The following ATP1A3 variants were observed in gnomAD, a reference collection of about 807,000 sequenced individuals.
The protein encoded by ATP1A3 is sodium/potassium-transporting ATPase subunit alpha-3.
ATP1A3 carries 12 observed loss-of-function variants against 108.8 expected under a neutral mutation model. The ratio of observed to expected loss-of-function variants is 0.11; its 90% CI spans 0.07 to 0.18. The LOEUF is 0.18. Ranked by LOEUF, ATP1A3 falls within the 10% of genes least tolerant of loss-of-function variation. The probability of loss-of-function intolerance (pLI) is 1.00; values close to 1 mark genes in which losing one functional copy is unlikely to be tolerated. For synonymous variants in ATP1A3, 539 were observed against 564.5 expected, an observed-to-expected ratio of 0.95 and a Z score of 0.64; for missense variants, 498 against 1,387.7, an observed-to-expected ratio of 0.36 and a Z score of 10.19.
At chr19:41,993,630 C>T (rs1163582773) in intron 1 of ATP1A3, 4 of 741,086 alleles carry the variant, frequency 5.4e-6, no homozygotes, top group Non-Finnish European at 8.6e-6. Flanking sequence ...CCTATCCGCA[C>T]CCTGCCAGGG....
At chr19:41,975,819 A>G (rs781802734) in intron 15 of ATP1A3, 22 bp from the exon 16 acceptor site, 1 of 1,613,696 alleles carries the variant, frequency 6.2e-7, no homozygotes, top group African/African-American at 1.3e-5. Context: ...GAGGGTAAGG[A>G]TGACACCCAG....
At position 41,978,932 on chromosome 19, in the gene ATP1A3, G is replaced by C; in HGVS notation, c.1438-134C>G. The C allele has an allele frequency of 1.4e-6, 1 of 733,450 alleles. No homozygotes were observed. Among genetic ancestry groups the C allele is most frequent in the Non-Finnish European group, 2.3e-6 (1 of 435,332 alleles). 45.4% of individuals were successfully genotyped at this position (733,450 alleles called of 1,614,324 possible). A position where few individuals can be genotyped will look rare whatever the true frequency, so the allele number is the denominator to read the frequency against. ...CAGGGCTCCCCCACACTCTCTCACA[G>C]AGACCTCTGCTCATTCCTGTCCGCT... On this transcript the variant is annotated intron_variant, in intron 11 of 22. Transcript: ENST00000648268. The surrounding 1 kb of genome is among the most constrained non-coding windows in gnomAD (Gnocchi z 8.3).
chr19:41,968,992 G>T lies in ATP1A3; in HGVS notation c.2689-77C>A. On this transcript the variant is annotated intron_variant, in intron 19 of 22. Coordinates refer to ENST00000648268, the MANE Select transcript of ATP1A3 (RefSeq NM_152296.5). This position sits in a 1 kb window ranked among gnomAD's most constrained non-coding sequence, Gnocchi z 5.0. ...CTAGCCGCCACCCCGACGTTCCGGT[G>T]CTCTTTGCCCCGCCCCATCCTGCAT... The T allele has an allele frequency of 6.2e-7, 1 of 1,604,682 alleles. No homozygotes were observed. The highest frequency in any genetic ancestry group is 1.7e-5 in the Admixed American group (1 of 59,790).
chr19:41,983,767 T>A lies in ATP1A3; in HGVS notation c.993+1151A>T, dbSNP rs1237533164. On this transcript the variant is annotated intron_variant, in intron 8 of 22. Coordinates refer to ENST00000648268, the MANE Select transcript of ATP1A3 (RefSeq NM_152296.5). Reference sequence around the variant, plus strand: ...ACCACGCCTGGCTAATTTAAAAAAATTTTTTTTTTTTTTTTTTTTTTTTTG... The same window carrying A: ...ACCACGCCTGGCTAATTTAAAAAAAATTTTTTTTTTTTTTTTTTTTTTTTG... Among the ~76,000 whole-genome samples, 411 of 103,034 alleles carry A rather than the reference T, an allele frequency of 4.0e-3. 3 individuals carry two copies. Among genetic ancestry groups the A allele is most frequent in the Non-Finnish European group, 5.6e-3 (284 of 50,742 alleles). 67.6% of individuals were successfully genotyped at this position (103,034 alleles called of 152,430 possible).
At position 41,985,687 on chromosome 19, in the gene ATP1A3, G is replaced by A. The variant is rs2075280119; in HGVS notation, c.606+177C>T. Among the ~76,000 whole-genome samples, 1 of 152,128 alleles carries A rather than the reference G, an allele frequency of 6.6e-6. No homozygotes were observed. The highest frequency in any genetic ancestry group is 6.5e-5 in the Admixed American group (1 of 15,284). On this transcript the variant is annotated intron_variant, in intron 6 of 22. Transcript: ENST00000648268. The surrounding 1 kb of genome is among the most constrained non-coding windows in gnomAD (Gnocchi z 8.2). ...TGGACTCCTGACTGTTGGGTGAGGA[G>A]GTGGCCCAGGGCCTAAACTCCTGGG...
At position 41,988,691 on chromosome 19, in the gene ATP1A3, G is replaced by A. The variant is rs1450780112; in HGVS notation, c.7-129C>T. 4 of 1,567,264 alleles carry A rather than the reference G, an allele frequency of 2.6e-6. No homozygotes were observed. The highest frequency in any genetic ancestry group is 2.3e-5 in the South Asian group (2 of 87,232). On this transcript the variant is annotated intron_variant, in intron 1 of 22. Transcript: ENST00000648268. This position sits in a 1 kb window ranked among gnomAD's most constrained non-coding sequence, Gnocchi z 5.3. ...GTGCCCCTGCATCTCTGGGTGGGGG[G>A]TCTCTGTCTGCCTCTCGGGGTCTCC...
At chr19:41,990,125 T>G (rs1428957938) in intron 1 of ATP1A3, among the ~76,000 whole-genome samples, 3 of 152,082 alleles carry the variant, frequency 2.0e-5, no homozygotes, top group African/African-American at 4.8e-5. Flanking sequence ...GTCTCTATCT[T>G]CATCTCTCAA....
In ATP1A3 at chr19:41,988,506, G is replaced by A. The variant is rs367930558; in HGVS notation, c.63C>T (p.Asp21=). 1.3e-5 allele frequency: 21 copies of A among 1,614,070 alleles called. No individual in the cohort carries two copies. In the African/African-American group the frequency reaches 2.7e-4, roughly 21 times the overall value. Residue 21 remains aspartate (D), a synonymous_variant, in exon 2 of 23, where the codon GAC becomes GAT. Transcript: ENST00000648268. The surrounding 1 kb of genome is among the most constrained non-coding windows in gnomAD (Gnocchi z 5.3). ...CCACCTCCTTCTTGAGGTCATCCAG[G>A]TCCCGGCGCTCCTTGCCCTTGTTCT... ...PKKNKGKERR[D]LDDLKKEVAM... is the part of the protein sequence containing the mutation.
intron 11 of ATP1A3, among the ~76,000 whole-genome samples, chr19:41,979,544 C>T (rs1391637420): frequency 3.9e-5 from 6 of 151,984 alleles, no homozygotes; most frequent in South Asian, 4.1e-4. Flanking sequence ...TGAGTTCAAG[C>T]GATCCTCCTG....
At position 41,970,463 on chromosome 19, in the gene ATP1A3, C is replaced by A. The variant is rs1216939281; in HGVS notation, c.2343G>T (p.Leu781=). The A allele has an allele frequency of 3.7e-6, 6 of 1,613,918 alleles. No homozygotes were observed. Among genetic ancestry groups the A allele is most frequent in the Non-Finnish European group, 5.1e-6 (6 of 1,180,006 alleles). ...TSNIPEITPF[L]LFIMANIPLP... ...GCGGGATGTTGGCCATGATGAACAGCAGGAAGGGCGTGATCTCCGGGATAT... is the reference window on the plus strand; with the variant it reads ...GCGGGATGTTGGCCATGATGAACAGAAGGAAGGGCGTGATCTCCGGGATAT... Residue 781 remains leucine, a synonymous_variant, in exon 17 of 23, where the codon CTG becomes CTT. Transcript: ENST00000648268.
intron 16 of ATP1A3, among the ~76,000 whole-genome samples, chr19:41,970,757 G>A (rs950369740): frequency 6.8e-6 from 1 of 146,426 alleles, no homozygotes; most frequent in Non-Finnish European, 1.5e-5. Context: ...TCAGCCTCCC[G>A]AGTAGCTGGC....
At chr19:41,974,270 C>G (rs369155688) in intron 16 of ATP1A3, among the ~76,000 whole-genome samples, 3 of 152,086 alleles carry the variant, frequency 2.0e-5, no homozygotes, top group East Asian at 3.9e-4. Context: ...ATGGCGAAAC[C>G]CCATCTCTAC....
intron 16 of ATP1A3, among the ~76,000 whole-genome samples, chr19:41,972,871 A>AAGGAAGGC (rs1568856448): frequency 7.5e-5 from 10 of 133,306 alleles, no homozygotes; most frequent in Non-Finnish European, 1.4e-4. Context: ...AGAAGGAAGG[A>AAGGAAGGC]AGGCAGGCAG....
In ATP1A3 at chr19:41,994,087, C is replaced by T. The variant is rs2075365313; in HGVS notation, c.-11G>A. The T allele has an allele frequency of 6.3e-7, 1 of 1,595,608 alleles. No individual in the cohort carries two copies. The highest frequency in any genetic ancestry group is 1.1e-5 in the South Asian group (1 of 88,736). The stretch of plus-strand genomic sequence containing the variant: ...AGCACCTACCCCCATCTTGGCGGCT[C>T]CGCGGCGAGAGAGCCAGGCGGGCGG... On this transcript the variant is annotated 5_prime_UTR_variant, in exon 1 of 23. Transcript: ENST00000648268.
rs2075199183 is a variant in ATP1A3 at position 41,978,770 on chromosome 19, T to C, written c.1466A>G (p.Asn489Ser). The part of the protein sequence containing the change: ...QLSIHETEDP[N>S]DNRYLLVMKG... ...CATCACCAGCAGGTATCGGTTGTCG[T>C]TGGGGTCCTCGGTCTCATGGATGGA... Residue 489 changes from asparagine (N) to serine (S), a missense_variant, in exon 12 of 23, where the codon AAC (asparagine) becomes AGC (serine). Asn to Ser is a conservative substitution (Grantham distance 46). Transcript: ENST00000648268. The surrounding 1 kb of genome is among the most constrained non-coding windows in gnomAD (Gnocchi z 8.3). 1.9e-6 allele frequency: 3 copies of C among 1,613,984 alleles called. No homozygotes were observed. Among genetic ancestry groups the C allele is most frequent in the Non-Finnish European group, 2.5e-6 (3 of 1,179,954 alleles).
intron 16 of ATP1A3, among the ~76,000 whole-genome samples, chr19:41,970,958 G>T (rs1196543197): frequency 1.4e-5 from 2 of 147,652 alleles, no homozygotes; most frequent in Non-Finnish European, 3.0e-5. Context: ...CTACCCCCCA[G>T]CCCACCCACC....
At chr19:41,974,925 G>A (rs536894351) in intron 16 of ATP1A3, among the ~76,000 whole-genome samples, 7 of 152,306 alleles carry the variant, frequency 4.6e-5, no homozygotes, top group Admixed American at 2.6e-4. Context: ...CTATGTGGAC[G>A]TCACAGCATG....
Position 41,988,086 on chromosome 19 carries a change from T to G in ATP1A3, c.207A>C (p.Ala69=), listed in dbSNP as rs200616931. ...CTGGGGTGGTAGGCGGTGGCGTGAG[T>G]GCGTTAGGCCCATCCCGGGCCAGGA... The part of the protein sequence containing the change: ...QEILARDGPN[A]LTPPPTTPEW... The change falls in exon 4 of 23, where the codon GCA becomes GCC. Residue 69 remains alanine (A), a synonymous_variant. Coordinates refer to ENST00000648268, the MANE Select transcript of ATP1A3 (RefSeq NM_152296.5). This position sits in a 1 kb window ranked among gnomAD's most constrained non-coding sequence, Gnocchi z 5.3. 10 of 1,613,890 alleles carry G rather than the reference T, an allele frequency of 6.2e-6. No individual in the cohort carries two copies. Among genetic ancestry groups the G allele is most frequent in the Non-Finnish European group, 7.6e-6 (9 of 1,179,938 alleles).
intron 19 of ATP1A3, 87 bp from the exon 20 acceptor site, chr19:41,969,002 C>T (rs2075073870): frequency 1.9e-6 from 3 of 1,596,424 alleles, no homozygotes; most frequent in Non-Finnish European, 1.7e-6. Flanking sequence ...GCTCTTTGCC[C>T]CGCCCCATCC....
Sources: allele counts gnomAD v4.1 joint callset (sites outside exome capture counted in the v4.1 genomes callset), GRCh38; gene constraint gnomAD v4.1.1; non-coding constraint Gnocchi (gnomAD v3.1); transcripts MANE v1.5; gene names NCBI Gene and HGNC (gene_info 2026-07-23, HGNC 2026-07-21).